Variants in DENND1A observed in about 807,000 individuals in gnomAD.
The protein encoded by DENND1A is DENN domain-containing protein 1A.
DENND1A carries 51 observed loss-of-function variants against 113.7 expected under a neutral mutation model. The ratio of observed to expected loss-of-function variants is 0.45; its 90% confidence interval spans 0.36 to 0.57. The LOEUF is 0.57. Ranked by LOEUF, DENND1A falls within the 20% of genes least tolerant of loss-of-function variation. The pLI is 0.00. For synonymous variants in DENND1A, 565 were observed against 570.8 expected, an observed-to-expected ratio of 0.99 and a Z score of 0.14; for missense variants, 1,258 against 1,395.9, an observed-to-expected ratio of 0.90 and a Z score of 1.57.
chr9:123,873,747 CT>C lies in DENND1A; in HGVS notation c.88+5203del, dbSNP rs1015503303. ...GTAAAAGGCAAAATTATCTATCTCT[CT>C]TTTTTTTTTTTTGAGACGGAGTCTC... On this transcript the variant is annotated intron_variant, in intron 2 of 23. Transcript: ENST00000394215. Among the ~76,000 whole-genome samples the C allele has an allele frequency of 5.9e-3, 861 of 145,402 alleles. 6 individuals are homozygous for C. The highest frequency in any genetic ancestry group is 0.017 in the African/African-American group (667 of 40,038).
At chr9:123,639,063 AAAAG>A (rs1272668933) in intron 9 of DENND1A, among the ~76,000 whole-genome samples, 80 of 146,524 alleles carry the variant, frequency 5.5e-4, no homozygotes, top group South Asian at 4.1e-3. Flanking sequence ...AAAAAAAAAA[AAAAG>A]AAAGAAAGAA....
At chr9:123,844,085 G>A (rs1842217250) in intron 2 of DENND1A, among the ~76,000 whole-genome samples, 1 of 130,586 alleles carries the variant, frequency 7.7e-6, no homozygotes, top group African/African-American at 4.2e-5. Context: ...CTGATAAAGG[G>A]CATCTAAAAA....
chr9:123,646,755 G>A (rs549014337), intron 9 of DENND1A, among the ~76,000 whole-genome samples: 1 of 152,274 alleles, frequency 6.6e-6, no homozygotes, highest in African/African-American at 2.4e-5. Context: ...ATTGTTGCCT[G>A]TTTTGTTCAC....
At chr9:123,550,824 C>G (rs1304637128) in intron 13 of DENND1A, among the ~76,000 whole-genome samples, 2 of 152,184 alleles carry the variant, frequency 1.3e-5, no homozygotes, top group Non-Finnish European at 2.9e-5. Flanking sequence ...CACATATCCT[C>G]CAAAAGTTGC....
At chr9:123,528,068 G>A (rs1251609628) in intron 13 of DENND1A, among the ~76,000 whole-genome samples, 1 of 152,186 alleles carries the variant, frequency 6.6e-6, no homozygotes, top group Admixed American at 6.5e-5. Flanking sequence ...ATTATTCAAA[G>A]AGAACATTTT....
At chr9:123,825,034 G>A (rs1354498260) in intron 2 of DENND1A, among the ~76,000 whole-genome samples, 1 of 151,922 alleles carries the variant, frequency 6.6e-6, no homozygotes, top group African/African-American at 2.4e-5. Context: ...TTTTAAGTGG[G>A]CAAGAAGCAA....
chr9:123,800,993 A>G (rs920276509), intron 2 of DENND1A, among the ~76,000 whole-genome samples: 2 of 152,148 alleles, frequency 1.3e-5, no homozygotes, highest in East Asian at 1.9e-4. Context: ...CAATGCGGAC[A>G]TCTCTGCAGG....
chr9:123,811,050 C>T (rs559673408), intron 2 of DENND1A, among the ~76,000 whole-genome samples: 15 of 152,224 alleles, frequency 9.9e-5, no homozygotes, highest in African/African-American at 2.4e-4. Context: ...TGAGCCACCA[C>T]GCCCGGCCAA....
At chr9:123,526,553 T>C (rs2054864863) in intron 13 of DENND1A, among the ~76,000 whole-genome samples, 2 of 152,158 alleles carry the variant, frequency 1.3e-5, no homozygotes, top group Non-Finnish European at 2.9e-5. Context: ...CGAGGGCTTG[T>C]CTGGACTCTA....
intron 5 of DENND1A, among the ~76,000 whole-genome samples, chr9:123,684,792 A>C (rs536236090): frequency 6.6e-6 from 1 of 152,318 alleles, no homozygotes; most frequent in South Asian, 2.1e-4. Flanking sequence ...CCACCAGTAT[A>C]TGCCTGGCCC....
chr9:123,717,388 A>G (rs1205183489), intron 5 of DENND1A, among the ~76,000 whole-genome samples: 1 of 152,194 alleles, frequency 6.6e-6, no homozygotes, highest in Non-Finnish European at 1.5e-5. Flanking sequence ...CAATACTCTG[A>G]AGGGGAATGA....
At chr9:123,564,626 G>C (rs2136194981) in intron 12 of DENND1A, among the ~76,000 whole-genome samples, 1 of 152,362 alleles carries the variant, frequency 6.6e-6, no homozygotes, top group South Asian at 2.1e-4. Context: ...ACTTTCTGCA[G>C]TGATGGAAAT....
chr9:123,734,051 C>G (rs1341004047), intron 5 of DENND1A, among the ~76,000 whole-genome samples: 1 of 152,304 alleles, frequency 6.6e-6, no homozygotes, highest in East Asian at 1.9e-4. Context: ...TCACTGTAGC[C>G]TCGAACTCCT....
At chr9:123,822,592 C>T (rs1816366608) in intron 2 of DENND1A, among the ~76,000 whole-genome samples, 1 of 152,182 alleles carries the variant, frequency 6.6e-6, no homozygotes, top group African/African-American at 2.4e-5. Context: ...GCTGCACTAA[C>T]TCAAACACAG....
At chr9:123,565,272 G>A (rs993702233) in intron 12 of DENND1A, among the ~76,000 whole-genome samples, 11 of 152,162 alleles carry the variant, frequency 7.2e-5, no homozygotes, top group Non-Finnish European at 1.0e-4. Flanking sequence ...GATTACAGGC[G>A]TGAGCCACCG....
chr9:123,512,690 T>C (rs1428723072), intron 13 of DENND1A, among the ~76,000 whole-genome samples: 2 of 152,220 alleles, frequency 1.3e-5, no homozygotes, highest in African/African-American at 4.8e-5. Flanking sequence ...GGGGTGGGCA[T>C]GTGCATAAGT....
intron 5 of DENND1A, among the ~76,000 whole-genome samples, chr9:123,755,666 C>G (rs2070477706): frequency 6.6e-6 from 1 of 152,210 alleles, no homozygotes; most frequent in Admixed American, 6.5e-5. Context: ...CCCTCCTCTT[C>G]TTCCTCGGTG....
At chr9:123,747,649 G>A (rs1000520879) in intron 5 of DENND1A, among the ~76,000 whole-genome samples, 2 of 152,016 alleles carry the variant, frequency 1.3e-5, no homozygotes, top group South Asian at 2.1e-4. Flanking sequence ...ATAAGTTTAC[G>A]TAAAGTTTTA....
intron 2 of DENND1A, among the ~76,000 whole-genome samples, chr9:123,864,969 A>G (rs1055736480): frequency 3.9e-5 from 6 of 152,146 alleles, no homozygotes; most frequent in African/African-American, 1.4e-4. Context: ...TGGAGCTGAT[A>G]TTCTTAGACT....
Sources: allele counts gnomAD v4.1 joint callset (sites outside exome capture counted in the v4.1 genomes callset), GRCh38; gene constraint gnomAD v4.1.1; transcripts MANE v1.5; gene names NCBI Gene and HGNC (gene_info 2026-07-23, HGNC 2026-07-21).